The following SYCP1 variants were observed in gnomAD, a reference collection of about 807,000 sequenced individuals.
SYCP1 encodes cancer/testis antigen 8.
SYCP1 carries 64 observed loss-of-function variants against 153.1 expected under a neutral mutation model. The ratio of observed to expected loss-of-function variants is 0.42; its 90% CI spans 0.34 to 0.51. SYCP1 has a LOEUF of 0.51. Among genes scored for constraint, SYCP1 ranks in the 20% least tolerant of loss-of-function variants. The pLI is 0.06. For missense variants in SYCP1, 997 were observed against 1,049.0 expected (o/e 0.95, Z 0.68); for synonymous variants, 384 against 341.8 (o/e 1.12, Z -1.36).
At chr1:114,907,111 A>G (rs917126822) in intron 16 of SYCP1, among the ~76,000 whole-genome samples, 1 of 152,148 alleles carries the variant, frequency 6.6e-6, no homozygotes, top group African/African-American at 2.4e-5. Flanking sequence ...TTTTTGTTTT[A>G]AAGTCTATTT....
At chr1:114,971,092 G>A (rs1330345370) in intron 27 of SYCP1, among the ~76,000 whole-genome samples, 1 of 152,154 alleles carries the variant, frequency 6.6e-6, no homozygotes, top group East Asian at 1.9e-4. Context: ...TAGTGTGGAG[G>A]GATACAAACT....
intron 14 of SYCP1, 74 bp from the exon 15 acceptor site, chr1:114,887,552 T>C: frequency 1.0e-6 from 1 of 985,268 alleles, no homozygotes; most frequent in Non-Finnish European, 1.5e-6. Context: ...AGTTGCTAAA[T>C]TGCACCAATT....
At chr1:114,947,152 C>T (rs1272020463) in intron 26 of SYCP1, 94 bp from the exon 27 acceptor site, 5 of 901,030 alleles carry the variant, frequency 5.5e-6, no homozygotes, top group Non-Finnish European at 8.8e-6. Flanking sequence ...TATTTCTCTA[C>T]AATATTAAAT....
At chr1:114,969,241 G>T (rs1284780292) in intron 27 of SYCP1, among the ~76,000 whole-genome samples, 2 of 152,140 alleles carry the variant, frequency 1.3e-5, no homozygotes, top group Non-Finnish European at 2.9e-5. Context: ...TTCAGAGCTG[G>T]CAGGCAGGAA....
intron 29 of SYCP1, among the ~76,000 whole-genome samples, chr1:114,981,756 G>A (rs917567886): frequency 6.6e-6 from 1 of 151,990 alleles, no homozygotes; most frequent in East Asian, 1.9e-4. Context: ...GATTATAGGT[G>A]TAAGCCACTG....
At chr1:114,981,683 C>A (rs1338765271) in intron 29 of SYCP1, among the ~76,000 whole-genome samples, 171 bp downstream of exon 29, 1 of 151,968 alleles carries the variant, frequency 6.6e-6, no homozygotes, top group African/African-American at 2.4e-5. Context: ...GCTGTGTTGC[C>A]TAGGATGGTC....
At chr1:114,955,601 G>A (rs1671383037) in intron 27 of SYCP1, among the ~76,000 whole-genome samples, 1 of 152,022 alleles carries the variant, frequency 6.6e-6, no homozygotes, top group African/African-American at 2.4e-5. Flanking sequence ...GCTGTTTCAG[G>A]GTCACCATTA....
chr1:114,949,782 TA>T (rs1427802238), intron 27 of SYCP1, among the ~76,000 whole-genome samples: 5 of 152,358 alleles, frequency 3.3e-5, no homozygotes, highest in African/African-American at 1.2e-4. Context: ...TATTACAATT[TA>T]GCTATTGGCC....
intron 23 of SYCP1, among the ~76,000 whole-genome samples, chr1:114,937,307 T>G (rs1570808728): frequency 6.6e-6 from 1 of 152,318 alleles, no homozygotes; most frequent in South Asian, 2.1e-4. Flanking sequence ...GGATTCCCTA[T>G]TTAATAAATG....
chr1:114,973,152 G>T (rs1672597275), intron 27 of SYCP1, among the ~76,000 whole-genome samples: 1 of 152,102 alleles, frequency 6.6e-6, no homozygotes, highest in African/African-American at 2.4e-5. Flanking sequence ...TGCTTACAGG[G>T]TGATGAAAGG....
intron 27 of SYCP1, among the ~76,000 whole-genome samples, chr1:114,954,704 C>A (rs908830885): frequency 6.6e-6 from 1 of 152,048 alleles, no homozygotes; most frequent in African/African-American, 2.4e-5. Flanking sequence ...CCTCAGCTTC[C>A]CGAGCAGCTG....
intron 8 of SYCP1, among the ~76,000 whole-genome samples, chr1:114,861,477 C>T (rs908072173): frequency 5.9e-5 from 9 of 152,116 alleles, no homozygotes; most frequent in South Asian, 4.1e-4. Context: ...CCTGCTTTTT[C>T]GGGATATTCT....
At chr1:114,936,607 C>G (rs1304876100) in intron 23 of SYCP1, among the ~76,000 whole-genome samples, 1 of 152,168 alleles carries the variant, frequency 6.6e-6, no homozygotes, top group East Asian at 1.9e-4. Flanking sequence ...AAGAGGAAGT[C>G]TAATTGTCCC....
At chr1:114,926,246 T>TA in intron 21 of SYCP1, 32 bp from the exon 22 acceptor site, 1 of 1,447,782 alleles carries the variant, frequency 6.9e-7, no homozygotes, top group Non-Finnish European at 9.2e-7. Context: ...GTATACTGAA[T>TA]AAAATAGCTA....
intron 15 of SYCP1, among the ~76,000 whole-genome samples, chr1:114,893,354 G>C (rs1197412176): frequency 3.3e-5 from 5 of 151,452 alleles, no homozygotes; most frequent in Non-Finnish European, 7.4e-5. Context: ...ATCTCCATCT[G>C]TATCTGTATC....
At chr1:114,873,387 C>T (rs2101441695) in intron 8 of SYCP1, among the ~76,000 whole-genome samples, 1 of 152,312 alleles carries the variant, frequency 6.6e-6, no homozygotes, top group South Asian at 2.1e-4. Flanking sequence ...TTGCATCCCT[C>T]TCCTCCTTAG....
chr1:114,995,064 T>TA lies in SYCP1; in HGVS notation c.*46dup, dbSNP rs1408364680. 2 of 1,495,002 alleles carry TA rather than the reference T, an allele frequency of 1.3e-6. No homozygotes were observed. The allele number at this position is 1,495,002 out of a possible 1,614,324, so 92.6% of individuals were successfully genotyped here. A position where few individuals can be genotyped will look rare whatever the true frequency, so the allele number is the denominator to read the frequency against. The stretch of plus-strand genomic sequence containing the variant: ...TTAAGGAGCCTAATAACGTGAAACT[T>TA]ATAGTTAATATTTTGTTCTTATTTG... On this transcript the variant is annotated 3_prime_UTR_variant, in exon 32 of 32. Transcript: ENST00000369522.
At chr1:114,971,536 G>A (rs1557843065) in intron 27 of SYCP1, among the ~76,000 whole-genome samples, 1 of 152,208 alleles carries the variant, frequency 6.6e-6, no homozygotes, top group East Asian at 1.9e-4. Context: ...GCAGCTTTCA[G>A]TACTTCGCCA....
intron 27 of SYCP1, among the ~76,000 whole-genome samples, chr1:114,972,650 C>G (rs976983592): frequency 1.5e-4 from 23 of 152,112 alleles, no homozygotes; most frequent in African/African-American, 4.3e-4. Context: ...TTAATCTCCT[C>G]TTTGACCCAC....
Sources: allele counts gnomAD v4.1 joint callset (sites outside exome capture counted in the v4.1 genomes callset), GRCh38; gene constraint gnomAD v4.1.1; transcripts MANE v1.5; gene names NCBI Gene and HGNC (gene_info 2026-07-23, HGNC 2026-07-21).